Variants in MTDH observed in about 807,000 individuals in gnomAD.
The protein encoded by MTDH is metadherin, also known as protein LYRIC.
In MTDH, 34 loss-of-function variants were observed where a neutral mutation model predicts 72.7. That is an observed-to-expected ratio of 0.47 (90% CI 0.36 to 0.62). The LOEUF is 0.62. MTDH is among the 20% of genes least tolerant of loss of function. The pLI, the probability that MTDH is intolerant of heterozygous loss-of-function variation, is 0.00. For synonymous variants in MTDH, 266 were observed against 268.9 expected, an observed-to-expected ratio of 0.99 and a Z score of 0.10; for missense variants, 677 against 699.4, an observed-to-expected ratio of 0.97 and a Z score of 0.36.
chr8:97,661,784 A>T (rs979517909), intron 2 of MTDH, among the ~76,000 whole-genome samples: 29 of 152,228 alleles, frequency 1.9e-4, no homozygotes, highest in African/African-American at 7.0e-4. Flanking sequence ...CATTACAAAA[A>T]ATACCAAAAT....
chr8:97,688,798 A>C (rs1404403551), intron 4 of MTDH, among the ~76,000 whole-genome samples: 1 of 152,200 alleles, frequency 6.6e-6, no homozygotes, highest in African/African-American at 2.4e-5. Context: ...GTACATAGGC[A>C]GTTTTCCAGG....
chr8:97,686,779 G>C, intron 3 of MTDH, 27 bp downstream of exon 3: 1 of 1,509,326 alleles, frequency 6.6e-7, no homozygotes, highest in Non-Finnish European at 8.9e-7. Flanking sequence ...AAGGACTGTA[G>C]AAAATTTTTT....
chr8:97,654,176 G>A (rs995001202), intron 1 of MTDH, among the ~76,000 whole-genome samples: 2 of 152,120 alleles, frequency 1.3e-5, no homozygotes, highest in African/African-American at 4.8e-5. Flanking sequence ...GTGAGATTTT[G>A]CAAATTTGAA....
At chr8:97,703,533 G>A (rs887356035) in intron 7 of MTDH, among the ~76,000 whole-genome samples, 4 of 152,084 alleles carry the variant, frequency 2.6e-5, no homozygotes, top group Admixed American at 6.6e-5. Context: ...GCTTATGGAC[G>A]GCAATTTTCA....
chr8:97,654,285 T>A (rs924462761), intron 1 of MTDH, among the ~76,000 whole-genome samples: 10 of 152,264 alleles, frequency 6.6e-5, no homozygotes, highest in African/African-American at 2.4e-4. Context: ...ATGTTTAGTT[T>A]ATGTAGTTGC....
At chr8:97,672,062 A>T (rs1248032410) in intron 2 of MTDH, among the ~76,000 whole-genome samples, 1 of 152,182 alleles carries the variant, frequency 6.6e-6, no homozygotes, top group Non-Finnish European at 1.5e-5. Flanking sequence ...GTTTATACAC[A>T]TGTGTATTTT....
At chr8:97,687,065 A>T (rs1299290854) in intron 3 of MTDH, among the ~76,000 whole-genome samples, 1 of 152,122 alleles carries the variant, frequency 6.6e-6, no homozygotes, top group Non-Finnish European at 1.5e-5. Flanking sequence ...GTTCTTAAAT[A>T]TACCATTTAT....
chr8:97,692,673 A>G (rs936643409), intron 6 of MTDH, among the ~76,000 whole-genome samples: 5 of 152,048 alleles, frequency 3.3e-5, no homozygotes, highest in South Asian at 2.1e-4. Context: ...CGCCCAGCCA[A>G]TTTTCCTTTT....
At chr8:97,718,295 A>C (rs1814958252) in intron 9 of MTDH, among the ~76,000 whole-genome samples, 1 of 152,132 alleles carries the variant, frequency 6.6e-6, no homozygotes, top group Non-Finnish European at 1.5e-5. Flanking sequence ...TGCCTGCCTC[A>C]GCCTCCCAAA....
At position 97,694,910 on chromosome 8, in the gene MTDH, G is replaced by A. The variant is rs1352436548; in HGVS notation, c.1048+3722G>A. Among the ~76,000 whole-genome samples the A allele has an allele frequency of 1.3e-5, 2 of 151,636 alleles. 1 individual carries two copies. Among genetic ancestry groups the A allele is most frequent in the African/African-American group, 4.8e-5 (2 of 41,366 alleles). On this transcript the variant is annotated intron_variant, in intron 6 of 11. Transcript: ENST00000336273. ...TGCACTCCAGCCTTGGCAACAGAGC[G>A]AGACTCCCTCTCAAAAAGAAAAAAA... is the stretch of plus-strand genomic sequence containing the variant.
chr8:97,657,254 A>T (rs367937867), intron 1 of MTDH, among the ~76,000 whole-genome samples: 1 of 152,208 alleles, frequency 6.6e-6, no homozygotes, highest in Non-Finnish European at 1.5e-5. Context: ...AAATAAAATG[A>T]TTCTATCATT....
intron 5 of MTDH, among the ~76,000 whole-genome samples, chr8:97,690,247 C>T (rs899546562): frequency 6.6e-6 from 1 of 152,154 alleles, no homozygotes; most frequent in Admixed American, 6.5e-5. Flanking sequence ...TGCCCCCAGC[C>T]TCCCAAAGTG....
chr8:97,685,558 G>A (rs1813326241), intron 2 of MTDH, among the ~76,000 whole-genome samples: 1 of 151,978 alleles, frequency 6.6e-6, no homozygotes, highest in Non-Finnish European at 1.5e-5. Flanking sequence ...TCAGGAGTTT[G>A]AGACCAGCCT....
chr8:97,673,523 G>T (rs1812716848), intron 2 of MTDH, among the ~76,000 whole-genome samples: 1 of 152,182 alleles, frequency 6.6e-6, no homozygotes, highest in Non-Finnish European at 1.5e-5. Context: ...AGCAGGGCAT[G>T]GTGGCTGGCG....
chr8:97,701,821 C>T (rs1390817509), intron 7 of MTDH, among the ~76,000 whole-genome samples: 2 of 152,090 alleles, frequency 1.3e-5, no homozygotes, highest in East Asian at 1.9e-4. Context: ...ATATGAAAAA[C>T]ATGATTAGCT....
chr8:97,719,642 A>G (rs373251534), intron 10 of MTDH, among the ~76,000 whole-genome samples: 3 of 152,196 alleles, frequency 2.0e-5, no homozygotes, highest in African/African-American at 7.2e-5. Context: ...GACGCATTTT[A>G]TAAATGAAGC....
At chr8:97,666,263 C>G (rs1812381485) in intron 2 of MTDH, among the ~76,000 whole-genome samples, 2 of 152,082 alleles carry the variant, frequency 1.3e-5, no homozygotes, top group African/African-American at 2.4e-5. Flanking sequence ...TCCACTAAAC[C>G]CTGATATCAT....
At chr8:97,676,280 A>G (rs1812842215) in intron 2 of MTDH, among the ~76,000 whole-genome samples, 1 of 151,978 alleles carries the variant, frequency 6.6e-6, no homozygotes, top group Non-Finnish European at 1.5e-5. Flanking sequence ...TTTTGCTTTT[A>G]TGGTTTGTCT....
intron 8 of MTDH, among the ~76,000 whole-genome samples, chr8:97,710,584 G>A (rs1814585242): frequency 6.9e-6 from 1 of 145,228 alleles, no homozygotes; most frequent in Admixed American, 7.2e-5. Flanking sequence ...TGTAATCCCA[G>A]CTACTTGGGA....
Sources: allele counts gnomAD v4.1 joint callset (sites outside exome capture counted in the v4.1 genomes callset), GRCh38; gene constraint gnomAD v4.1.1; transcripts MANE v1.5; gene names NCBI Gene and HGNC (gene_info 2026-07-23, HGNC 2026-07-21).